The following BMPR2 variants were observed in gnomAD, a reference collection of about 807,000 sequenced individuals.
The protein encoded by BMPR2 is bone morphogenetic protein receptor type-2.
Under a neutral mutation model 100.8 loss-of-function variants are expected in BMPR2, and 29 were observed. That is an observed-to-expected ratio of 0.29 (90% confidence interval 0.21 to 0.39). The LOEUF (loss-of-function observed/expected upper bound fraction) is 0.39, where lower values mean the gene tolerates loss of function less well. Among genes scored for constraint, BMPR2 ranks in the 10% least tolerant of loss-of-function variants. The pLI is 1.00. For missense variants in BMPR2, 1,011 were observed against 1,274.5 expected (o/e 0.79, Z 3.15); for synonymous variants, 382 against 442.3 (o/e 0.86, Z 1.71).
At chr2:202,550,505 A>G (rs1000840643) in intron 10 of BMPR2, among the ~76,000 whole-genome samples, 165 of 152,072 alleles carry the variant, frequency 1.1e-3, no homozygotes, top group African/African-American at 3.9e-3. Context: ...GGCATGAGCC[A>G]CCATGCCTAG....
chr2:202,453,121 G>A (rs1000387111), intron 1 of BMPR2, among the ~76,000 whole-genome samples: 1 of 151,880 alleles, frequency 6.6e-6, no homozygotes, highest in African/African-American at 2.4e-5. Context: ...TCCTGAAGAT[G>A]GTAGGAAATC....
At chr2:202,465,583 G>C (rs1409674229) in intron 2 of BMPR2, among the ~76,000 whole-genome samples, 2 of 152,188 alleles carry the variant, frequency 1.3e-5, no homozygotes, top group Non-Finnish European at 2.9e-5. Context: ...TACTGGCCGG[G>C]CGTGGTGGCT....
intron 1 of BMPR2, among the ~76,000 whole-genome samples, chr2:202,428,505 C>T (rs1488257900): frequency 6.6e-6 from 1 of 152,088 alleles, no homozygotes; most frequent in Non-Finnish European, 1.5e-5. Flanking sequence ...CTCAATCAGT[C>T]CTTCCACTTT....
At chr2:202,440,517 A>C (rs1457956991) in intron 1 of BMPR2, among the ~76,000 whole-genome samples, 4 of 146,846 alleles carry the variant, frequency 2.7e-5, no homozygotes, top group Non-Finnish European at 5.9e-5. Flanking sequence ...CTCACATCCC[A>C]GATGATGGGC....
At chr2:202,519,169 C>A in intron 6 of BMPR2, 117 bp downstream of exon 6, 3 of 1,069,776 alleles carry the variant, frequency 2.8e-6, no homozygotes, top group Non-Finnish European at 2.9e-6. Flanking sequence ...CAGGACCAGC[C>A]TCGCCAACAT....
Position 202,494,768 on chromosome 2 carries a change from A to G in BMPR2, c.419-18951A>G, listed in dbSNP as rs980352987. Among the ~76,000 whole-genome samples, 3 of 152,368 alleles carry G rather than the reference A, an allele frequency of 2.0e-5. No individual in the cohort carries two copies. In the East Asian group the frequency reaches 5.8e-4, roughly 29 times the overall value. On this transcript the variant is annotated intron_variant, in intron 3 of 12. Coordinates refer to ENST00000374580, the MANE Select transcript of BMPR2 (RefSeq NM_001204.7). The stretch of plus-strand genomic sequence containing the variant: ...AACAAAAAATAGGAGTTTTCTAGTT[A>G]AAGGCCTCTTTTGCACGTACACGTG...
chr2:202,552,583 A>G, intron 10 of BMPR2, 133 bp from the exon 11 acceptor site: 1 of 899,604 alleles, frequency 1.1e-6, no homozygotes, highest in Non-Finnish European at 1.7e-6. Flanking sequence ...TGAAGCCTAA[A>G]ATATGTTATT....
rs1691538239 is a variant in BMPR2, at chr2:202,433,006, G to A, written c.77-31803G>A. ...TGGTATCTAGTAAGGATATTTAAGA[G>A]TGTTGCCTTGCCAGATCTAGCCGTA... On this transcript the variant is annotated intron_variant, in intron 1 of 12. Transcript: ENST00000374580. 1.3e-5 allele frequency among the ~76,000 whole-genome samples: 2 copies of A among 150,240 alleles called. 1 individual carries two copies. Among genetic ancestry groups the A allele is most frequent in the African/African-American group, 5.0e-5 (2 of 39,794 alleles).
chr2:202,500,793 A>G (rs1050882604), intron 3 of BMPR2, among the ~76,000 whole-genome samples: 4 of 152,182 alleles, frequency 2.6e-5, no homozygotes, highest in Non-Finnish European at 5.9e-5. Context: ...CTGCTCTCTC[A>G]AATACCAGAG....
At chr2:202,542,895 G>A (rs1688302756) in intron 10 of BMPR2, among the ~76,000 whole-genome samples, 1 of 151,928 alleles carries the variant, frequency 6.6e-6, no homozygotes, top group Admixed American at 6.6e-5. Flanking sequence ...AATATAATTC[G>A]GCTGGGTGCG....
intron 1 of BMPR2, among the ~76,000 whole-genome samples, chr2:202,430,780 A>G (rs1204961682): frequency 6.8e-6 from 1 of 147,312 alleles, no homozygotes; most frequent in Non-Finnish European, 1.5e-5. Context: ...ACCAACATGG[A>G]GAAACCCTAT....
At chr2:202,377,707 C>A (rs1287323690) in intron 1 of BMPR2, among the ~76,000 whole-genome samples, 157 bp downstream of exon 1, 1 of 152,264 alleles carries the variant, frequency 6.6e-6, no homozygotes, top group African/African-American at 2.4e-5. Context: ...CTGCCCCATG[C>A]CTTCCAGGGA....
At chr2:202,510,982 GTTT>G (rs370738313) in intron 3 of BMPR2, among the ~76,000 whole-genome samples, 7 of 131,972 alleles carry the variant, frequency 5.3e-5, no homozygotes, top group Admixed American at 7.6e-5. Flanking sequence ...CCTGGCTTTA[GTTT>G]TTTTTTTTTT....
chr2:202,436,250 A>G (rs1164159796), intron 1 of BMPR2, among the ~76,000 whole-genome samples: 1 of 150,480 alleles, frequency 6.6e-6, no homozygotes, highest in Non-Finnish European at 1.5e-5. Flanking sequence ...GCCCAGAGTT[A>G]GAGACCAGCC....
chr2:202,416,873 G>C (rs984528054), intron 1 of BMPR2, among the ~76,000 whole-genome samples: 1 of 144,974 alleles, frequency 6.9e-6, no homozygotes, highest in African/African-American at 2.6e-5. Flanking sequence ...GTCTTGCGCT[G>C]TTGGCCAGGC....
At position 202,567,487 on chromosome 2, in the gene BMPR2, G is replaced by T. The variant is rs1374365462; in HGVS notation, c.*7541G>T. 1 of 152,566 alleles carries T rather than the reference G, an allele frequency of 6.6e-6. No homozygotes were observed. The highest frequency in any genetic ancestry group is 1.5e-5 in the Non-Finnish European group (1 of 68,026). 9.5% of individuals were successfully genotyped at this position (152,566 alleles called of 1,614,324 possible). A position where few individuals can be genotyped will look rare whatever the true frequency, so the allele number is the denominator to read the frequency against. ...TATGCTGTATAAGTTGTGTTTGATG[G>T]ATCAGTGTGAGTATAAAATAAAGCA... On this transcript the variant is annotated 3_prime_UTR_variant, in exon 13 of 13. Transcript: ENST00000374580.
At chr2:202,551,514 A>T (rs1427164623) in intron 10 of BMPR2, among the ~76,000 whole-genome samples, 1 of 151,104 alleles carries the variant, frequency 6.6e-6, no homozygotes. Context: ...ACATTGCAAG[A>T]CTCTATCTCA....
intron 1 of BMPR2, among the ~76,000 whole-genome samples, chr2:202,449,168 C>T (rs915482820): frequency 6.6e-6 from 1 of 151,750 alleles, no homozygotes; most frequent in Non-Finnish European, 1.5e-5. Context: ...ATTAGCCGGG[C>T]ATGGTGGCAC....
intron 3 of BMPR2, among the ~76,000 whole-genome samples, chr2:202,504,678 C>CTTTTTTTTTTTTTTTTT (rs144161668): frequency 8.9e-6 from 1 of 112,474 alleles, no homozygotes; most frequent in African/African-American, 3.5e-5. Flanking sequence ...ATAGTAGATT[C>CTTTTTTTTTTTTTTTTT]TTTTTTTTTT....
Sources: gnomAD v4.1 joint callset for allele counts (sites outside exome capture counted in the v4.1 genomes callset) on GRCh38, gnomAD v4.1.1 for gene constraint, MANE v1.5 for transcripts, NCBI Gene and HGNC (gene_info 2026-07-23, HGNC 2026-07-21) for gene names.